Variants in SNX29 observed in about 807,000 individuals in gnomAD.
The protein encoded by SNX29 is sorting nexin 29, also known as sorting nexin-29.
A neutral mutation model predicts 102.1 loss-of-function variants in SNX29; 78 were observed. The observed-to-expected ratio is 0.76, with a 90% CI of 0.64 to 0.92. The LOEUF (loss-of-function observed/expected upper bound fraction) is 0.92, where lower values mean the gene tolerates loss of function less well. SNX29 is among the 40% of genes least tolerant of loss of function. The pLI is 0.00. For synonymous variants in SNX29, 580 were observed against 414.5 expected, an observed-to-expected ratio of 1.40 and a Z score of -4.85; for missense variants, 1,280 against 1,061.7, an observed-to-expected ratio of 1.21 and a Z score of -2.86.
intron 14 of SNX29, among the ~76,000 whole-genome samples, chr16:12,246,763 C>T (rs559679324): frequency 7.2e-5 from 11 of 152,284 alleles, no homozygotes; most frequent in Admixed American, 2.6e-4. Context: ...AACAATGACC[C>T]GGGCCCACAG....
At chr16:12,547,084 G>A (rs540252734) in intron 20 of SNX29, among the ~76,000 whole-genome samples, 1 of 152,362 alleles carries the variant, frequency 6.6e-6, no homozygotes, top group Non-Finnish European at 1.5e-5. Context: ...ACATGCCTAT[G>A]TGAGGTGGCG....
At chr16:12,542,372 A>G (rs1567680214) in intron 20 of SNX29, among the ~76,000 whole-genome samples, 1 of 152,258 alleles carries the variant, frequency 6.6e-6, no homozygotes, top group African/African-American at 2.4e-5. Flanking sequence ...CCCAAGTTCT[A>G]TCACCCAGGG....
At chr16:12,554,650 T>C (rs112473998) in intron 20 of SNX29, among the ~76,000 whole-genome samples, 20 of 152,164 alleles carry the variant, frequency 1.3e-4, no homozygotes, top group African/African-American at 2.7e-4. Context: ...GTTTCACCAG[T>C]TTGTGCATTT....
chr16:12,003,136 A>C (rs1013357269), intron 3 of SNX29, 93 bp downstream of exon 3: 11 of 1,524,312 alleles, frequency 7.2e-6, no homozygotes, highest in Middle Eastern at 2.2e-4. Context: ...TCGAGGTTGG[A>C]AAGGCGGCAG....
In SNX29 at chr16:11,983,420, C is replaced by T. The variant is rs1431393283; in HGVS notation, c.7+6607C>T. Among the ~76,000 whole-genome samples the T allele has an allele frequency of 2.6e-5, 4 of 151,934 alleles. No individual in the cohort carries two copies. In the South Asian group the frequency reaches 6.2e-4, roughly 24 times the overall value. ...ATGTTGAAGGTCACAGTTTTCTCCTCGGCACTGACTGGGCCCTCTCTGACA... is the reference window on the plus strand; with the variant it reads ...ATGTTGAAGGTCACAGTTTTCTCCTTGGCACTGACTGGGCCCTCTCTGACA... On this transcript the variant is annotated intron_variant, in intron 1 of 20. Transcript: ENST00000566228.
intron 15 of SNX29, among the ~76,000 whole-genome samples, chr16:12,341,554 C>G (rs1024613269): frequency 9.2e-5 from 14 of 152,220 alleles, no homozygotes; most frequent in Non-Finnish European, 1.5e-4. Flanking sequence ...TCGTATGTGT[C>G]CAACATGGGT....
At chr16:12,517,777 T>C (rs1233878619) in intron 19 of SNX29, among the ~76,000 whole-genome samples, 2 of 151,508 alleles carry the variant, frequency 1.3e-5, no homozygotes, top group African/African-American at 4.9e-5. Context: ...ACGAGTGCTT[T>C]GAAGAAAGGA....
chr16:12,392,199 C>T (rs757896689), intron 16 of SNX29, among the ~76,000 whole-genome samples: 1 of 152,190 alleles, frequency 6.6e-6, no homozygotes, highest in African/African-American at 2.4e-5. Flanking sequence ...GAGATGCCTG[C>T]TGTTCTTTTC....
chr16:12,474,341 C>G (rs1555547461), intron 18 of SNX29, among the ~76,000 whole-genome samples: 1 of 152,154 alleles, frequency 6.6e-6, no homozygotes, highest in Non-Finnish European at 1.5e-5. Flanking sequence ...TTTTAGGTAC[C>G]TAGGGAATAT....
intron 18 of SNX29, among the ~76,000 whole-genome samples, chr16:12,468,357 T>G (rs1357124001): frequency 6.6e-6 from 1 of 151,986 alleles, no homozygotes; most frequent in Non-Finnish European, 1.5e-5. Context: ...GTATTATTAG[T>G]AGAGACGGGG....
At chr16:12,545,289 G>A (rs571739005) in intron 20 of SNX29, among the ~76,000 whole-genome samples, 76 of 152,268 alleles carry the variant, frequency 5.0e-4, no homozygotes, top group African/African-American at 1.5e-3. Flanking sequence ...TTGCCACTTC[G>A]CCCTCTTTAC....
At chr16:12,433,078 C>G (rs112116148) in intron 18 of SNX29, among the ~76,000 whole-genome samples, 86 of 152,256 alleles carry the variant, frequency 5.6e-4, no homozygotes, top group African/African-American at 1.8e-3. Context: ...CCCAGGGAAA[C>G]AAAACCAATC....
At chr16:12,249,456 A>G (rs1032075198) in intron 14 of SNX29, among the ~76,000 whole-genome samples, 1 of 152,238 alleles carries the variant, frequency 6.6e-6, no homozygotes, top group Non-Finnish European at 1.5e-5. Flanking sequence ...AGTAAGTCAC[A>G]TGGCCAGGCC....
In SNX29 at chr16:12,570,859, A is replaced by G. The variant is rs1318924859; in HGVS notation, c.*2230A>G. 5 of 231,892 alleles carry G rather than the reference A, an allele frequency of 2.2e-5. No individual in the cohort carries two copies. Among genetic ancestry groups the G allele is most frequent in the African/African-American group, 6.6e-5 (3 of 45,264 alleles). The allele number at this position is 231,892 out of a possible 1,614,324, so 14.4% of individuals were successfully genotyped here. A position where few individuals can be genotyped will look rare whatever the true frequency, so the allele number is the denominator to read the frequency against. On this transcript the variant is annotated 3_prime_UTR_variant, in exon 21 of 21. Transcript: ENST00000566228. ...AGCTGGTATTGAACTGGTGGGAGAA[A>G]CTGCCTCCTACTTTTATAATACTGA...
intron 20 of SNX29, among the ~76,000 whole-genome samples, chr16:12,535,258 C>T (rs568514049): frequency 1.3e-5 from 2 of 152,314 alleles, no homozygotes; most frequent in East Asian, 3.9e-4. Flanking sequence ...TGTGCTTCAG[C>T]CTCCCAAGTA....
intron 11 of SNX29, chr16:12,086,735 A>G (rs1325706677): frequency 6.6e-6 from 1 of 152,118 alleles, no homozygotes; most frequent in African/African-American, 2.4e-5. Context: ...TTTAAAATGA[A>G]GAAAAATTTT....
rs187348132 is a variant in SNX29 at position 12,463,806 on chromosome 16, C to T, written c.2038-13913C>T. On this transcript the variant is annotated intron_variant, in intron 18 of 20. Coordinates refer to ENST00000566228, the MANE Select transcript of SNX29 (RefSeq NM_032167.5). ...ACAATCAGATTAACATATCCACCAC[C>T]TCCCGAAGTGAGTGTGTGTGTGTGT... 9.1e-5 allele frequency among the ~76,000 whole-genome samples: 13 copies of T among 143,382 alleles called. No homozygotes were observed. In the East Asian group the frequency reaches 2.2e-3, roughly 25 times the overall value. The allele number at this position is 143,382 out of a possible 152,430, so 94.1% of individuals were successfully genotyped here.
chr16:12,570,122 G>C lies in SNX29; in HGVS notation c.*1493G>C, dbSNP rs553819436. On this transcript the variant is annotated 3_prime_UTR_variant, in exon 21 of 21. Coordinates refer to ENST00000566228, the MANE Select transcript of SNX29 (RefSeq NM_032167.5). ...CGTAGCAAAAAGGAAGATTGTTCAT[G>C]GCCTTTAAGGAAGGCTGAGATCACT... The C allele has an allele frequency of 2.7e-3, 2,797 of 1,032,920 alleles. 3 individuals carry two copies. The highest frequency in any genetic ancestry group is 0.015 in the Middle Eastern group (34 of 2,336). 64.0% of individuals were successfully genotyped at this position (1,032,920 alleles called of 1,614,324 possible).
At chr16:12,036,259 G>T (rs1179619116) in intron 4 of SNX29, among the ~76,000 whole-genome samples, 1 of 149,928 alleles carries the variant, frequency 6.7e-6, no homozygotes, top group Non-Finnish European at 1.5e-5. Context: ...TGGGTTTTCT[G>T]TTTCCTTTTT....
Sources: gnomAD v4.1 joint callset for allele counts (sites outside exome capture counted in the v4.1 genomes callset) on GRCh38, gnomAD v4.1.1 for gene constraint, MANE v1.5 for transcripts, NCBI Gene and HGNC (gene_info 2026-07-23, HGNC 2026-07-21) for gene names.